Variants in MGAT5 observed in about 807,000 individuals in gnomAD.
MGAT5 encodes the protein alpha-1,6-mannosylglycoprotein 6-beta-N-acetylglucosaminyltransferase.
MGAT5 carries 30 observed loss-of-function variants against 94.3 expected under a neutral mutation model. That is an observed-to-expected ratio of 0.32 (90% CI 0.24 to 0.43). MGAT5 has a LOEUF of 0.43. MGAT5 is among the 20% of genes least tolerant of loss of function. The probability of loss-of-function intolerance (pLI) is 1.00; values close to 1 mark genes in which losing one functional copy is unlikely to be tolerated. For missense variants in MGAT5, 691 were observed against 905.5 expected, an observed-to-expected ratio of 0.76 and a Z score of 3.04; for synonymous variants, 310 against 322.9, an observed-to-expected ratio of 0.96 and a Z score of 0.43.
At chr2:134,404,702 C>T (rs1307357415) in intron 11 of MGAT5, among the ~76,000 whole-genome samples, 1 of 152,184 alleles carries the variant, frequency 6.6e-6, no homozygotes, top group African/African-American at 2.4e-5. Flanking sequence ...TGTATGATGC[C>T]ACAAATAAAA....
At chr2:134,286,381 G>A (rs181253439) in intron 2 of MGAT5, among the ~76,000 whole-genome samples, 302 of 151,816 alleles carry the variant, frequency 2.0e-3, no homozygotes, top group African/African-American at 7.0e-3. Context: ...GCCTCATCCT[G>A]TAATAGTTTT....
chr2:134,310,017 T>C (rs905164804), intron 2 of MGAT5, among the ~76,000 whole-genome samples: 1 of 152,212 alleles, frequency 6.6e-6, no homozygotes, highest in African/African-American at 2.4e-5. Context: ...TTTATTCTTT[T>C]TATACATTAG....
intron 1 of MGAT5, among the ~76,000 whole-genome samples, chr2:134,189,095 C>G (rs1421624499): frequency 1.3e-5 from 2 of 152,146 alleles, no homozygotes; most frequent in Non-Finnish European, 2.9e-5. Context: ...CCAAAAAGCT[C>G]CAGTGAGCCT....
At chr2:134,312,297 T>C (rs1573769015) in intron 2 of MGAT5, among the ~76,000 whole-genome samples, 1 of 152,242 alleles carries the variant, frequency 6.6e-6, no homozygotes, top group South Asian at 2.1e-4. Context: ...CTTTTTTGAA[T>C]ACCAGTAAGA....
intron 15 of MGAT5, among the ~76,000 whole-genome samples, chr2:134,446,534 T>C (rs939270354): frequency 6.6e-6 from 1 of 152,192 alleles, no homozygotes; most frequent in Non-Finnish European, 1.5e-5. Context: ...TTCTCTCTGT[T>C]GTCCAGCTGA....
intron 10 of MGAT5, among the ~76,000 whole-genome samples, chr2:134,370,069 C>CT (rs1236160031): frequency 1.3e-5 from 2 of 152,164 alleles, no homozygotes; most frequent in African/African-American, 4.8e-5. Flanking sequence ...ATTCTGAAAA[C>CT]TATGTAATTA....
In MGAT5 at chr2:134,337,853, C is replaced by G. The variant is rs557210192; in HGVS notation, c.646-406C>G. Among the ~76,000 whole-genome samples, 605 of 147,422 alleles carry G rather than the reference C, an allele frequency of 4.1e-3. 3 individuals carry two copies. The highest frequency in any genetic ancestry group is 0.014 in the African/African-American group (562 of 40,646). On this transcript the variant is annotated intron_variant, in intron 5 of 15. Transcript: ENST00000281923. ...GGCTTTCTGGCAACTTCCACGTTGT[C>G]AAACAGCCTGCTAAGAATTGACTTC...
chr2:134,409,748 G>A lies in MGAT5; in HGVS notation c.1531-3121G>A, dbSNP rs3791300. On this transcript the variant is annotated intron_variant, in intron 11 of 15. Transcript: ENST00000281923. Reference sequence around the variant, plus strand: ...GATTCTTTAAGTACTCCACTTAGCAGTTTAAAACAATTGTTTCTTCTTTCA... The same window carrying A: ...GATTCTTTAAGTACTCCACTTAGCAATTTAAAACAATTGTTTCTTCTTTCA... Among the ~76,000 whole-genome samples, 55 of 152,332 alleles carry A rather than the reference G, an allele frequency of 3.6e-4. No homozygotes were observed. In the East Asian group the frequency reaches 7.3e-3, roughly 20 times the overall value.
chr2:134,191,312 A>G (rs1046646072), intron 1 of MGAT5, among the ~76,000 whole-genome samples: 1 of 152,272 alleles, frequency 6.6e-6, no homozygotes, highest in Non-Finnish European at 1.5e-5. Flanking sequence ...TCCCAGTGCA[A>G]TACTGTTTAC....
At chr2:134,270,273 G>C (rs569876722) in intron 1 of MGAT5, 113 bp from the exon 2 acceptor site, 19 of 1,035,322 alleles carry the variant, frequency 1.8e-5, no homozygotes, top group Non-Finnish European at 2.0e-5. Context: ...CAGATCTTTT[G>C]TATCACTTCA....
At chr2:134,378,058 T>C (rs1681296843) in intron 10 of MGAT5, among the ~76,000 whole-genome samples, 1 of 152,146 alleles carries the variant, frequency 6.6e-6, no homozygotes, top group South Asian at 2.1e-4. Flanking sequence ...TTTCAGTGGA[T>C]TGATATTCAG....
chr2:134,328,043 T>C (rs1289533620), intron 4 of MGAT5, among the ~76,000 whole-genome samples: 2 of 152,110 alleles, frequency 1.3e-5, no homozygotes, highest in Non-Finnish European at 2.9e-5. Context: ...CTATGCATTA[T>C]CTGTTTGGTT....
chr2:134,439,653 C>T (rs1489573041), intron 14 of MGAT5, among the ~76,000 whole-genome samples: 1 of 152,156 alleles, frequency 6.6e-6, no homozygotes, highest in Non-Finnish European at 1.5e-5. Context: ...ACCGAGATCG[C>T]ACCACTGTAC....
chr2:134,413,067 T>C, intron 12 of MGAT5, 52 bp downstream of exon 12: 1 of 1,594,360 alleles, frequency 6.3e-7, no homozygotes, highest in Non-Finnish European at 8.6e-7. Context: ...TAATAGCTAT[T>C]TATTGAGTGC....
intron 10 of MGAT5, among the ~76,000 whole-genome samples, chr2:134,394,910 C>T (rs57589375): frequency 0.19 from 28,514 of 152,224 alleles, 2,869 homozygotes; most frequent in Middle Eastern, 0.37. Flanking sequence ...TTTAGGGATT[C>T]TATAAAACAT....
chr2:134,200,490 T>C lies in MGAT5; in HGVS notation c.-142-53772T>C, dbSNP rs534190210. 3.9e-5 allele frequency among the ~76,000 whole-genome samples: 6 copies of C among 152,366 alleles called. No homozygotes were observed. The South Asian group carries it at 1.0e-3, about 26-fold the overall frequency. ...ACAAGTCTCTTTTTCTTCTTTTCTC[T>C]GTTGAGCCTCTTTGTCCTTCACTCC... On this transcript the variant is annotated intron_variant, in intron 1 of 16. Coordinates refer to the MGAT5 transcript ENST00000409645.
intron 1 of MGAT5, among the ~76,000 whole-genome samples, chr2:134,143,534 C>T (rs1424119410): frequency 6.6e-6 from 1 of 152,104 alleles, no homozygotes; most frequent in Non-Finnish European, 1.5e-5. Flanking sequence ...AAACCGCGCT[C>T]GGCGCATCCT....
intron 2 of MGAT5, 99 bp from the exon 3 acceptor site, chr2:134,317,426 CCTTT>C (rs1687055732): frequency 1.4e-6 from 1 of 698,602 alleles, no homozygotes; most frequent in South Asian, 2.2e-5. Context: ...CCAACAGAGA[CCTTT>C]CTTTTTTGGT....
At chr2:134,157,844 G>A (rs1476540526) in intron 1 of MGAT5, among the ~76,000 whole-genome samples, 1 of 152,084 alleles carries the variant, frequency 6.6e-6, no homozygotes, top group African/African-American at 2.4e-5. Context: ...CAACCAGAGG[G>A]TGAGCAAGGC....
Sources: allele counts gnomAD v4.1 joint callset (sites outside exome capture counted in the v4.1 genomes callset), GRCh38; gene constraint gnomAD v4.1.1; transcripts MANE v1.5; gene names NCBI Gene and HGNC (gene_info 2026-07-23, HGNC 2026-07-21).